The following PREP variants were observed in gnomAD, a reference collection of about 807,000 sequenced individuals.
PREP encodes prolyl endopeptidase.
Under a neutral mutation model 87.6 loss-of-function variants are expected in PREP, and 29 were observed. The observed-to-expected ratio is 0.33, with a 90% confidence interval of 0.25 to 0.45. The LOEUF is 0.45. Ranked by LOEUF, PREP falls within the 20% of genes least tolerant of loss-of-function variation. PREP has a pLI of 1.00. For synonymous variants in PREP, 337 were observed against 328.6 expected, an observed-to-expected ratio of 1.03 and a Z score of -0.28; for missense variants, 695 against 886.5, an observed-to-expected ratio of 0.78 and a Z score of 2.74.
rs146714702 is a variant in PREP, at chr6:105,291,963, C to T, written c.1318-3069G>A. On this transcript the variant is annotated intron_variant, in intron 10 of 14. Transcript: ENST00000652536. ...CCTAAAAAGCAACTCCTTATCCATTCAAGTTTTATCATGAGATTTCAGCAG... is the reference window on the plus strand; with the variant it reads ...CCTAAAAAGCAACTCCTTATCCATTTAAGTTTTATCATGAGATTTCAGCAG... 2.1e-3 allele frequency among the ~76,000 whole-genome samples: 319 copies of T among 152,304 alleles called. 3 individuals carry two copies. The highest frequency in any genetic ancestry group is 3.8e-3 in the Admixed American group (58 of 15,300).
chr6:105,300,207 A>G (rs141984058), intron 10 of PREP, among the ~76,000 whole-genome samples: 74 of 152,146 alleles, frequency 4.9e-4, no homozygotes, highest in African/African-American at 1.7e-3. Flanking sequence ...TGTTTTTGTT[A>G]TTTTCTTAAA....
chr6:105,334,220 G>C (rs1004424279), intron 7 of PREP, among the ~76,000 whole-genome samples: 9 of 152,128 alleles, frequency 5.9e-5, no homozygotes, highest in African/African-American at 2.2e-4. Flanking sequence ...CATTATACTT[G>C]AAATAAAATC....
chr6:105,398,716 T>C (rs1490670078), intron 1 of PREP, among the ~76,000 whole-genome samples: 1 of 152,032 alleles, frequency 6.6e-6, no homozygotes, highest in Non-Finnish European at 1.5e-5. Context: ...AAGGAGCAAG[T>C]AGAAACAGTT....
At chr6:105,380,132 T>A (rs1225231762) in intron 2 of PREP, among the ~76,000 whole-genome samples, 1 of 152,172 alleles carries the variant, frequency 6.6e-6, no homozygotes, top group Non-Finnish European at 1.5e-5. Flanking sequence ...TGAAAATCAC[T>A]GGGAAAGAGG....
chr6:105,313,064 T>A (rs1348819064), intron 10 of PREP, among the ~76,000 whole-genome samples: 1 of 152,130 alleles, frequency 6.6e-6, no homozygotes, highest in Non-Finnish European at 1.5e-5. Context: ...TTACATTGAG[T>A]CAGCACAGAG....
At chr6:105,362,068 C>G (rs1381391520) in intron 6 of PREP, among the ~76,000 whole-genome samples, 1 of 152,312 alleles carries the variant, frequency 6.6e-6, no homozygotes, top group Non-Finnish European at 1.5e-5. Context: ...AAACAAAACA[C>G]GTACAAAATA....
chr6:105,285,417 CAGGA>C, intron 12 of PREP, 65 bp downstream of exon 12: 1 of 1,488,672 alleles, frequency 6.7e-7, no homozygotes, highest in South Asian at 1.1e-5. Flanking sequence ...CTCATTCAAA[CAGGA>C]AGGATCAGCA....
rs893674276 is a variant in PREP, at chr6:105,335,633, T to G, written c.824-2128A>C. ...AGGGCCAGGTGCAGTGGCTCACACC[T>G]GTAATCCCAGCATTTTGGGAGGACA... On this transcript the variant is annotated intron_variant, in intron 7 of 14. Coordinates refer to ENST00000652536, the MANE Select transcript of PREP (RefSeq NM_002726.5). 2.6e-5 allele frequency among the ~76,000 whole-genome samples: 4 copies of G among 152,194 alleles called. No homozygotes were observed. In the South Asian group the frequency reaches 8.3e-4, roughly 32 times the overall value.
chr6:105,348,729 A>T (rs1220770388), intron 7 of PREP, among the ~76,000 whole-genome samples: 1 of 152,058 alleles, frequency 6.6e-6, no homozygotes, highest in Non-Finnish European at 1.5e-5. Flanking sequence ...AAATACAAAA[A>T]CTAGCCAGGT....
chr6:105,339,986 G>C (rs1046619049), intron 7 of PREP, among the ~76,000 whole-genome samples: 2 of 152,134 alleles, frequency 1.3e-5, no homozygotes, highest in Non-Finnish European at 2.9e-5. Context: ...TTATCCAGGA[G>C]AACGCCCCCA....
chr6:105,319,321 T>C (rs538223537), intron 10 of PREP, among the ~76,000 whole-genome samples: 1 of 152,362 alleles, frequency 6.6e-6, no homozygotes, highest in South Asian at 2.1e-4. Flanking sequence ...ACTTGGATTC[T>C]CTTAATTTAT....
At chr6:105,334,713 T>TCAACAACAACAA (rs573991003) in intron 7 of PREP, among the ~76,000 whole-genome samples, 29 of 150,074 alleles carry the variant, frequency 1.9e-4, no homozygotes, top group Middle Eastern at 3.4e-3. Flanking sequence ...AGACTCTGTC[T>TCAACAACAACAA]CAACAACAAC....
intron 6 of PREP, among the ~76,000 whole-genome samples, chr6:105,358,112 C>A (rs1197928279): frequency 1.3e-5 from 2 of 151,796 alleles, no homozygotes; most frequent in African/African-American, 4.8e-5. Context: ...TATTTTAAAT[C>A]TATATTATTT....
chr6:105,322,147 G>A (rs906531194), intron 10 of PREP: 4 of 287,390 alleles, frequency 1.4e-5, no homozygotes, highest in African/African-American at 4.6e-5. Flanking sequence ...GGTATAGGAT[G>A]AGGGTGAATT....
chr6:105,361,721 C>G (rs913812914), intron 6 of PREP, among the ~76,000 whole-genome samples: 6 of 152,062 alleles, frequency 3.9e-5, no homozygotes, highest in African/African-American at 1.4e-4. Context: ...TTTTGAATTC[C>G]TTTCATAATA....
rs117535152 is a variant in PREP at position 105,379,704 on chromosome 6, A to C, written c.121-2185T>G. 3.1e-3 allele frequency among the ~76,000 whole-genome samples: 478 copies of C among 152,294 alleles called. 20 individuals carry two copies. The East Asian group carries it at 0.079, about 25-fold the overall frequency. On this transcript the variant is annotated intron_variant, in intron 2 of 14. Transcript: ENST00000652536. ...CTGGGCTGTGCTGGGTAGGAACATC[A>C]GGGAGCTGAAGCATCCACGTGGACT... is the stretch of plus-strand genomic sequence containing the variant.
chr6:105,284,019 T>C (rs1268762076), intron 12 of PREP, among the ~76,000 whole-genome samples: 6 of 152,208 alleles, frequency 3.9e-5, no homozygotes, highest in African/African-American at 1.4e-4. Flanking sequence ...ACAATTTAAA[T>C]AGGAAATCAG....
At chr6:105,302,814 T>A (rs1448891108) in intron 10 of PREP, 1 of 426,918 alleles carries the variant, frequency 2.3e-6, no homozygotes, top group African/African-American at 2.1e-5. Context: ...CGAGACTTGA[T>A]CTTAGCCATT....
chr6:105,294,325 C>G (rs535722937), intron 10 of PREP, among the ~76,000 whole-genome samples: 1 of 152,354 alleles, frequency 6.6e-6, no homozygotes, highest in South Asian at 2.1e-4. Context: ...GTCAGACCAT[C>G]TGCTTTTGTC....
Sources: gnomAD v4.1 joint callset for allele counts (sites outside exome capture counted in the v4.1 genomes callset) on GRCh38, gnomAD v4.1.1 for gene constraint, MANE v1.5 for transcripts, NCBI Gene and HGNC (gene_info 2026-07-23, HGNC 2026-07-21) for gene names.